CNTN5: variants seen among roughly 807,000 people sequenced by gnomAD.
The protein encoded by CNTN5 is contactin-5.
In CNTN5, 77 loss-of-function variants were observed where a neutral mutation model predicts 129.1. That is an observed-to-expected ratio of 0.60 (90% CI 0.50 to 0.72). The LOEUF (loss-of-function observed/expected upper bound fraction) is 0.72, where lower values mean the gene tolerates loss of function less well. Among genes scored for constraint, CNTN5 ranks in the 30% least tolerant of loss-of-function variants. The pLI is 0.00. For synonymous variants in CNTN5, 509 were observed against 465.6 expected (o/e 1.09, Z -1.20); for missense variants, 1,478 against 1,328.8 (o/e 1.11, Z -1.75).
chr11:99,895,488 T>C (rs78327711), intron 6 of CNTN5, among the ~76,000 whole-genome samples: 1,647 of 152,300 alleles, frequency 0.011, 16 homozygotes, highest in Middle Eastern at 0.044. Context: ...AAGTGAATAC[T>C]AACACTTCAA....
chr11:99,741,244 C>G (rs1268481292), intron 3 of CNTN5, among the ~76,000 whole-genome samples: 2 of 152,106 alleles, frequency 1.3e-5, no homozygotes, highest in Non-Finnish European at 2.9e-5. Context: ...CTTACATAAA[C>G]CATTAATTTC....
At chr11:99,520,977 C>A (rs368230067) in intron 2 of CNTN5, among the ~76,000 whole-genome samples, 7 of 152,024 alleles carry the variant, frequency 4.6e-5, no homozygotes, top group African/African-American at 1.2e-4. Flanking sequence ...TAGTAATATG[C>A]GGTTTATATA....
In CNTN5 at chr11:99,392,214, TAATAAA is replaced by T. The variant is rs1038888323; in HGVS notation, c.-71+66751_-71+66756del. ...TATTTGTACTCAATAAATAATAAAATAATAAAAATAAAAATAAAAATAAAAAACTCA... is the reference window on the plus strand; with the variant it reads ...TATTTGTACTCAATAAATAATAAAATAATAAAAATAAAAATAAAAAACTCA... On this transcript the variant is annotated intron_variant, in intron 2 of 24. Coordinates refer to ENST00000524871, the MANE Select transcript of CNTN5 (RefSeq NM_014361.4). Among the ~76,000 whole-genome samples, 23 of 151,384 alleles carry T rather than the reference TAATAAA, an allele frequency of 1.5e-4. No homozygotes were observed. The South Asian group carries it at 2.3e-3, about 15-fold the overall frequency.
At chr11:99,411,237 A>T (rs1241246631) in intron 2 of CNTN5, among the ~76,000 whole-genome samples, 1 of 152,228 alleles carries the variant, frequency 6.6e-6, no homozygotes, top group Non-Finnish European at 1.5e-5. Flanking sequence ...GAAATCAGAC[A>T]GAAAAGAGGG....
At chr11:99,639,581 T>TTTG in intron 3 of CNTN5, among the ~76,000 whole-genome samples, 1 of 147,648 alleles carries the variant, frequency 6.8e-6, no homozygotes, top group Non-Finnish European at 1.5e-5. Context: ...TTTTTTTTTT[T>TTTG]TGAGACGGAG....
chr11:99,627,000 T>G (rs181259394), intron 3 of CNTN5, among the ~76,000 whole-genome samples: 8 of 152,292 alleles, frequency 5.3e-5, no homozygotes, highest in Admixed American at 4.6e-4. Context: ...TTCCGTAGTT[T>G]CCTTTTCTCC....
At position 100,037,818 on chromosome 11, in the gene CNTN5, C is replaced by T. The variant is rs191110882; in HGVS notation, c.981-23394C>T. ...ATCTGTGGGATCGGTGGTGATATCC[C>T]CTTTATCATTTTTTATTGCATCAAT... On this transcript the variant is annotated intron_variant, in intron 9 of 24. Transcript: ENST00000524871. 4.5e-4 allele frequency among the ~76,000 whole-genome samples: 69 copies of T among 151,956 alleles called. No individual in the cohort carries two copies. The East Asian group carries it at 0.013, about 29-fold the overall frequency.
intron 6 of CNTN5, among the ~76,000 whole-genome samples, chr11:99,863,555 C>T (rs1183430141): frequency 6.6e-6 from 1 of 152,028 alleles, no homozygotes; most frequent in Non-Finnish European, 1.5e-5. Flanking sequence ...TCAGTAATGT[C>T]ATTTACCTGG....
intron 3 of CNTN5, among the ~76,000 whole-genome samples, chr11:99,587,916 T>C (rs1344706676): frequency 1.3e-5 from 2 of 152,174 alleles, no homozygotes; most frequent in East Asian, 3.9e-4. Flanking sequence ...TTTATTTTCT[T>C]GGAGCTGATC....
At chr11:99,951,285 G>A (rs1290433270) in intron 7 of CNTN5, among the ~76,000 whole-genome samples, 2 of 150,072 alleles carry the variant, frequency 1.3e-5, no homozygotes, top group Non-Finnish European at 3.0e-5. Context: ...AAAAAAACAT[G>A]AAAAGTATGT....
At chr11:99,394,181 A>G (rs1425766046) in intron 2 of CNTN5, among the ~76,000 whole-genome samples, 1 of 151,750 alleles carries the variant, frequency 6.6e-6, no homozygotes, top group East Asian at 1.9e-4. Flanking sequence ...ATTGAATATC[A>G]ACTTGTGTAT....
At chr11:100,066,763 G>C (rs538490861) in intron 10 of CNTN5, among the ~76,000 whole-genome samples, 1 of 149,078 alleles carries the variant, frequency 6.7e-6, no homozygotes, top group Non-Finnish European at 1.5e-5. Context: ...CCACGTCTTG[G>C]CATCTGCTCA....
At chr11:99,857,869 G>C (rs561646233) in intron 6 of CNTN5, among the ~76,000 whole-genome samples, 1 of 152,068 alleles carries the variant, frequency 6.6e-6, no homozygotes, top group South Asian at 2.1e-4. Flanking sequence ...TTTCCTATCC[G>C]TTTCATAGTG....
chr11:99,133,089 A>G (rs970496889), intron 1 of CNTN5, among the ~76,000 whole-genome samples: 15 of 152,170 alleles, frequency 9.9e-5, no homozygotes, highest in African/African-American at 3.6e-4. Context: ...TCGAGAACCC[A>G]GAAATAAGGC....
chr11:100,093,332 C>A (rs117763529), intron 13 of CNTN5, among the ~76,000 whole-genome samples: 4 of 152,216 alleles, frequency 2.6e-5, no homozygotes, highest in South Asian at 2.1e-4. Context: ...AAGACCATAG[C>A]GCACTGTAAT....
chr11:99,858,451 T>C (rs1948106626), intron 6 of CNTN5, among the ~76,000 whole-genome samples: 2 of 152,042 alleles, frequency 1.3e-5, no homozygotes, highest in South Asian at 4.2e-4. Flanking sequence ...AGAAAATCTC[T>C]ATGTCTCTGT....
chr11:100,169,464 A>G (rs1365594671), intron 13 of CNTN5, among the ~76,000 whole-genome samples: 1 of 151,974 alleles, frequency 6.6e-6, no homozygotes, highest in Non-Finnish European at 1.5e-5. Context: ...AACAGCCATC[A>G]CCCTGATAAG....
At chr11:99,641,698 T>A (rs1267593065) in intron 3 of CNTN5, among the ~76,000 whole-genome samples, 1 of 152,108 alleles carries the variant, frequency 6.6e-6, no homozygotes, top group Non-Finnish European at 1.5e-5. Context: ...TCCATAGTAT[T>A]CCATTAATAT....
At chr11:100,322,540 A>G (rs997856524) in intron 21 of CNTN5, among the ~76,000 whole-genome samples, 4 of 152,092 alleles carry the variant, frequency 2.6e-5, no homozygotes, top group African/African-American at 9.7e-5. Flanking sequence ...CTGTCTTCTA[A>G]ACTACATCGT....
Sources: allele counts gnomAD v4.1 joint callset (sites outside exome capture counted in the v4.1 genomes callset), GRCh38; gene constraint gnomAD v4.1.1; transcripts MANE v1.5; gene names NCBI Gene and HGNC (gene_info 2026-07-23, HGNC 2026-07-21).